EHMT1: variants seen among roughly 807,000 people sequenced by gnomAD.
EHMT1 encodes the protein euchromatic histone lysine methyltransferase 1, also known as histone-lysine N-methyltransferase EHMT1.
In EHMT1, 15 loss-of-function variants were observed where a neutral mutation model predicts 147.2. The ratio of observed to expected loss-of-function variants is 0.10; its 90% confidence interval spans 0.07 to 0.16. The LOEUF (loss-of-function observed/expected upper bound fraction) is 0.16. Ranked by LOEUF, EHMT1 falls within the 10% of genes least tolerant of loss-of-function variation. EHMT1 has a pLI of 1.00. For missense variants in EHMT1, 1,587 were observed against 1,772.4 expected, an observed-to-expected ratio of 0.90 and a Z score of 1.88; for synonymous variants, 795 against 709.6, an observed-to-expected ratio of 1.12 and a Z score of -1.91.
intron 6 of EHMT1, chr9:137,747,168 T>C (rs1339685648): frequency 6.6e-6 from 1 of 152,212 alleles, no homozygotes; most frequent in Non-Finnish European, 1.5e-5. Flanking sequence ...AATACATTTT[T>C]TTTTTTTGGG....
At chr9:137,745,189 C>G (rs1327564984) in intron 6 of EHMT1, among the ~76,000 whole-genome samples, 1 of 152,154 alleles carries the variant, frequency 6.6e-6, no homozygotes, top group Non-Finnish European at 1.5e-5. Flanking sequence ...TAAGGTTTTT[C>G]CCCTTTCAGT....
intron 18 of EHMT1, among the ~76,000 whole-genome samples, chr9:137,806,106 C>T (rs1170938071): frequency 6.6e-6 from 1 of 151,914 alleles, no homozygotes; most frequent in Non-Finnish European, 1.5e-5. Context: ...ATTACAGGCA[C>T]ATGGCACCAC....
At chr9:137,623,398 C>T (rs1247578971) in intron 1 of EHMT1, among the ~76,000 whole-genome samples, 1 of 150,368 alleles carries the variant, frequency 6.7e-6, no homozygotes, top group African/African-American at 2.4e-5. Flanking sequence ...TTGGGGTTTG[C>T]GTGTCTGAAA....
intron 1 of EHMT1, among the ~76,000 whole-genome samples, chr9:137,691,867 G>A (rs964584688): frequency 1.3e-5 from 2 of 152,112 alleles, no homozygotes; most frequent in Admixed American, 6.6e-5. Flanking sequence ...CATGCGAAGC[G>A]CCCTGTCTCC....
At chr9:137,660,538 T>A (rs1192079681) in intron 1 of EHMT1, among the ~76,000 whole-genome samples, 2 of 152,094 alleles carry the variant, frequency 1.3e-5, no homozygotes, top group Admixed American at 6.6e-5. Flanking sequence ...GTTCTGGATA[T>A]TTTTGGCCAC....
chr9:137,813,345 G>A lies in EHMT1; in HGVS notation c.3036-41G>A, dbSNP rs1467376685. 1.9e-5 allele frequency: 31 copies of A among 1,594,268 alleles called. No individual in the cohort carries two copies. Among genetic ancestry groups the A allele is most frequent in the Non-Finnish European group, 2.6e-5 (30 of 1,173,666 alleles). Reference sequence around the variant, plus strand: ...CACGCTGTGCCACCCCCTGGGCAGAGCACGTCAGCCACCAGGTGACACCTG... The same window carrying A: ...CACGCTGTGCCACCCCCTGGGCAGAACACGTCAGCCACCAGGTGACACCTG... On this transcript the variant is annotated intron_variant, in intron 20 of 26. Transcript: ENST00000460843. The surrounding 1 kb of genome is among the most constrained non-coding windows in gnomAD (Gnocchi z 4.9).
At chr9:137,641,532 A>G (rs939671370) in intron 1 of EHMT1, 14 of 369,272 alleles carry the variant, frequency 3.8e-5, no homozygotes, top group East Asian at 7.7e-5. Context: ...TTGGGAATCA[A>G]TTCTCATCTG....
chr9:137,667,312 G>A (rs989328689), intron 1 of EHMT1: 31 of 152,318 alleles, frequency 2.0e-4, no homozygotes, highest in African/African-American at 7.2e-4. Context: ...GCTCCACCTG[G>A]GTTAGCTCAA....
At chr9:137,772,385 C>G (rs1000027532) in intron 10 of EHMT1, among the ~76,000 whole-genome samples, 1 of 151,924 alleles carries the variant, frequency 6.6e-6, no homozygotes, top group Non-Finnish European at 1.5e-5. Context: ...AATAGGAAAC[C>G]GTTTTGTAGC....
At chr9:137,707,828 G>A (rs1158542296) in intron 1 of EHMT1, among the ~76,000 whole-genome samples, 2 of 152,182 alleles carry the variant, frequency 1.3e-5, no homozygotes, top group African/African-American at 4.8e-5. Context: ...AAAAATGCCT[G>A]TAGACCCCGG....
At chr9:137,665,620 G>A (rs975761678) in intron 1 of EHMT1, among the ~76,000 whole-genome samples, 21 of 152,184 alleles carry the variant, frequency 1.4e-4, no homozygotes, top group Non-Finnish European at 1.5e-5. Flanking sequence ...CCATGTCTAG[G>A]TTTTTGTTAG....
At chr9:137,740,837 C>A (rs1055980675) in intron 4 of EHMT1, among the ~76,000 whole-genome samples, 1 of 152,054 alleles carries the variant, frequency 6.6e-6, no homozygotes, top group African/African-American at 2.4e-5. Flanking sequence ...GAGTCTAGCT[C>A]TGTTTCCCAG....
chr9:137,633,875 G>A, intron 1 of EHMT1, among the ~76,000 whole-genome samples: 1 of 149,436 alleles, frequency 6.7e-6, no homozygotes, highest in East Asian at 1.9e-4. Context: ...AGGCTGGAGT[G>A]CAATCTAGTC....
chr9:137,630,990 G>A (rs1843590412), intron 1 of EHMT1, among the ~76,000 whole-genome samples: 1 of 152,098 alleles, frequency 6.6e-6, no homozygotes, highest in Non-Finnish European at 1.5e-5. Context: ...GCGGAAGTAG[G>A]GGGCCAGTGA....
At chr9:137,803,837 T>TAA (rs773946581) in intron 18 of EHMT1, among the ~76,000 whole-genome samples, 11 of 126,956 alleles carry the variant, frequency 8.7e-5, no homozygotes, top group South Asian at 2.6e-4. Flanking sequence ...TCTCAAAAAT[T>TAA]AAAAAAAAAA....
intron 1 of EHMT1, among the ~76,000 whole-genome samples, chr9:137,666,769 G>A (rs1485550549): frequency 1.3e-5 from 2 of 152,334 alleles, no homozygotes; most frequent in Admixed American, 6.5e-5. Flanking sequence ...GTGGAATGGT[G>A]AGGAGGGTAG....
Position 137,776,031 on chromosome 9 carries a change from A to G in EHMT1, c.1792-587A>G, listed in dbSNP as rs1306124097. Among the ~76,000 whole-genome samples the G allele has an allele frequency of 6.6e-6, 1 of 152,174 alleles. No homozygotes were observed. The highest frequency in any genetic ancestry group is 2.4e-5 in the African/African-American group (1 of 41,438). The stretch of plus-strand genomic sequence containing the variant: ...TGCTGCCCCTTTACGAACATGGGCC[A>G]AGAGCTTCCACTTTTGGGAGACTTT... On this transcript the variant is annotated intron_variant, in intron 11 of 26. Coordinates refer to ENST00000460843, the MANE Select transcript of EHMT1 (RefSeq NM_024757.5). The surrounding 1 kb of genome is among the most constrained non-coding windows in gnomAD (Gnocchi z 4.4).
intron 18 of EHMT1, among the ~76,000 whole-genome samples, chr9:137,805,986 A>ACAGTCT (rs1218532166): frequency 8.5e-5 from 12 of 141,362 alleles, no homozygotes; most frequent in Non-Finnish European, 1.4e-4. Context: ...TTTTTTGGAG[A>ACAGTCT]CAGTCTCACC....
At chr9:137,829,053 G>A (rs1956018600) in intron 25 of EHMT1, among the ~76,000 whole-genome samples, 1 of 152,082 alleles carries the variant, frequency 6.6e-6, no homozygotes, top group Non-Finnish European at 1.5e-5. Flanking sequence ...GGGCATCCAG[G>A]CACCACGGGG....
Sources: allele counts gnomAD v4.1 joint callset (sites outside exome capture counted in the v4.1 genomes callset), GRCh38; gene constraint gnomAD v4.1.1; non-coding constraint Gnocchi (gnomAD v3.1); transcripts MANE v1.5; gene names NCBI Gene and HGNC (gene_info 2026-07-23, HGNC 2026-07-21).